RSBN1: variants seen among roughly 807,000 people sequenced by gnomAD.
RSBN1 encodes the protein lysine-specific demethylase 9.
In RSBN1, 23 loss-of-function variants were observed where a neutral mutation model predicts 74.8. That is an observed-to-expected ratio of 0.31 (90% confidence interval 0.22 to 0.44). The LOEUF (loss-of-function observed/expected upper bound fraction) is 0.44. Among genes scored for constraint, RSBN1 ranks in the 20% least tolerant of loss-of-function variants. RSBN1 has a pLI of 1.00. For missense variants in RSBN1, 808 were observed against 1,020.9 expected (o/e 0.79, Z 2.84); for synonymous variants, 407 against 379.6 (o/e 1.07, Z -0.84).
At chr1:113,809,646 G>T (rs148933492) in intron 1 of RSBN1, among the ~76,000 whole-genome samples, 39 of 152,114 alleles carry the variant, frequency 2.6e-4, no homozygotes, top group African/African-American at 8.2e-4. Flanking sequence ...ATATAGTTTG[G>T]GTATATAATC....
chr1:113,768,636 A>T (rs1470648767), intron 4 of RSBN1, among the ~76,000 whole-genome samples: 1 of 152,132 alleles, frequency 6.6e-6, no homozygotes, highest in East Asian at 1.9e-4. Flanking sequence ...TTAGGCTCAA[A>T]TGTAGTGCTT....
In RSBN1 at chr1:113,812,085, C is replaced by T; in HGVS notation, c.328G>A (p.Ala110Thr). The T allele has an allele frequency of 1.3e-6, 2 of 1,584,606 alleles. No individual in the cohort carries two copies. The highest frequency in any genetic ancestry group is 1.1e-5 in the South Asian group (1 of 88,186). The part of the protein sequence containing the change: ...RGRPSQEPPL[A>T]PPHRRRRSRQ... Reference sequence around the variant, plus strand: ...CTGCGACGCCGCCGGTGAGGGGGAGCGAGAGGGGGCTCCTGGCTCGGCCGC... The same window carrying T: ...CTGCGACGCCGCCGGTGAGGGGGAGTGAGAGGGGGCTCCTGGCTCGGCCGC... Residue 110 changes from alanine (A) to threonine (T), a missense_variant, in exon 1 of 7, where the codon GCT becomes ACT. Physicochemically the swap from Ala to Thr is moderately conservative, Grantham distance 58. Transcript: ENST00000261441.
intron 1 of RSBN1, among the ~76,000 whole-genome samples, chr1:113,806,232 G>A (rs1660697239): frequency 6.6e-6 from 1 of 151,898 alleles, no homozygotes; most frequent in Non-Finnish European, 1.5e-5. Flanking sequence ...CTACTCAGGA[G>A]GCTGAGGCAT....
At chr1:113,793,540 T>C (rs1660410697) in intron 2 of RSBN1, among the ~76,000 whole-genome samples, 1 of 152,166 alleles carries the variant, frequency 6.6e-6, no homozygotes, top group East Asian at 1.9e-4. Flanking sequence ...CACCCTTAGT[T>C]TCATCTCTTT....
At chr1:113,771,922 G>T (rs967386669) in intron 4 of RSBN1, among the ~76,000 whole-genome samples, 9 of 148,424 alleles carry the variant, frequency 6.1e-5, no homozygotes, top group African/African-American at 2.2e-4. Flanking sequence ...GGAAAAACAA[G>T]ACTTTTTTTT....
At position 113,784,122 on chromosome 1, in the gene RSBN1, A is replaced by G. The variant is rs541875326; in HGVS notation, c.1378-6314T>C. Among the ~76,000 whole-genome samples, 30 of 152,352 alleles carry G rather than the reference A, an allele frequency of 2.0e-4. No individual in the cohort carries two copies. The South Asian group carries it at 6.0e-3, about 31-fold the overall frequency. Reference sequence around the variant, plus strand: ...AATGCAAGAAATCAAAAGTATTTCAAAAGTATTTAACTTGAAAAGATTAAA... The same window carrying G: ...AATGCAAGAAATCAAAAGTATTTCAGAAGTATTTAACTTGAAAAGATTAAA... On this transcript the variant is annotated intron_variant, in intron 2 of 6. Coordinates refer to ENST00000261441, the MANE Select transcript of RSBN1 (RefSeq NM_018364.5).
intron 4 of RSBN1, among the ~76,000 whole-genome samples, chr1:113,773,418 G>C (rs997844835): frequency 1.3e-5 from 2 of 152,212 alleles, no homozygotes; most frequent in Admixed American, 1.3e-4. Flanking sequence ...CAGCTACCTG[G>C]GAGGCTGAGG....
At chr1:113,774,929 G>A (rs1024626347) in intron 4 of RSBN1, among the ~76,000 whole-genome samples, 1 of 151,916 alleles carries the variant, frequency 6.6e-6, no homozygotes, top group Non-Finnish European at 1.5e-5. Flanking sequence ...AAATTCCCAA[G>A]TTTTAAAGTA....
intron 2 of RSBN1, among the ~76,000 whole-genome samples, chr1:113,789,632 C>T (rs1271637127): frequency 6.6e-6 from 1 of 152,044 alleles, no homozygotes; most frequent in Non-Finnish European, 1.5e-5. Context: ...GGGACTGAGC[C>T]CTCTATCTGG....
chr1:113,766,036 T>A lies in RSBN1; in HGVS notation c.2353A>T (p.Arg785Ter), dbSNP rs757097271. Residue 785 changes from arginine to a stop codon, truncating the protein, a stop_gained, in exon 7 of 7, where the codon AGA (arginine) becomes TGA (stop). Coordinates refer to ENST00000261441, the MANE Select transcript of RSBN1 (RefSeq NM_018364.5). LOFTEE classifies it high-confidence loss of function. ...TTGTGTTGCTGGTCAGAGTCCAGTC[T>A]ACTTTCCACTTTTAAAACTGGAATA... ...QPIPVLKVES[R>*]LDSDQQHNLQ... 6.2e-7 allele frequency: 1 copy of A among 1,614,112 alleles called. No homozygotes were observed. The highest frequency in any genetic ancestry group is 8.5e-7 in the Non-Finnish European group (1 of 1,179,940).
intron 1 of RSBN1, among the ~76,000 whole-genome samples, chr1:113,801,487 C>T (rs1660583557): frequency 6.6e-6 from 1 of 152,210 alleles, no homozygotes; most frequent in South Asian, 2.1e-4. Flanking sequence ...ACACTGGCCA[C>T]TGTTGCTTTA....
In RSBN1 at chr1:113,767,213, A is replaced by G. The variant is rs372470465; in HGVS notation, c.1827-6T>C. On this transcript the variant is annotated splice_polypyrimidine_tract_variant and splice_region_variant and intron_variant, in intron 5 of 6. Transcript: ENST00000261441. ...TTATGCGAGGTTGGTCACTCCTAAG[A>G]TTAACAAAATTAAGTTTCAGAGACA... 3.1e-5 allele frequency: 46 copies of G among 1,506,762 alleles called. No individual in the cohort carries two copies. In the African/African-American group the frequency reaches 5.9e-4, roughly 19 times the overall value. The allele number at this position is 1,506,762 out of a possible 1,614,324, so 93.3% of individuals were successfully genotyped here. A position where few individuals can be genotyped will look rare whatever the true frequency, so the allele number is the denominator to read the frequency against.
intron 2 of RSBN1, among the ~76,000 whole-genome samples, chr1:113,778,459 G>A (rs1660077107): frequency 6.6e-6 from 1 of 151,862 alleles, no homozygotes; most frequent in Non-Finnish European, 1.5e-5. Context: ...CACCATGCCT[G>A]GCTAATTTTT....
intron 4 of RSBN1, among the ~76,000 whole-genome samples, chr1:113,775,584 G>A (rs954215149): frequency 1.3e-5 from 2 of 152,000 alleles, no homozygotes; most frequent in Non-Finnish European, 2.9e-5. Context: ...CAATCTGCCT[G>A]CCTCAGCCTC....
chr1:113,811,217 T>C (rs1660835825), intron 1 of RSBN1, among the ~76,000 whole-genome samples: 1 of 152,244 alleles, frequency 6.6e-6, no homozygotes, highest in South Asian at 2.1e-4. Flanking sequence ...CTGCGTCTGA[T>C]ATTTTACCTT....
At chr1:113,784,022 T>G (rs1660192212) in intron 2 of RSBN1, among the ~76,000 whole-genome samples, 1 of 152,166 alleles carries the variant, frequency 6.6e-6, no homozygotes, top group Non-Finnish European at 1.5e-5. Flanking sequence ...CTAAAAAATA[T>G]CTATAACTAG....
intron 2 of RSBN1, among the ~76,000 whole-genome samples, chr1:113,795,539 A>G (rs1029169811): frequency 6.6e-6 from 1 of 152,230 alleles, no homozygotes; most frequent in African/African-American, 2.4e-5. Context: ...GAAAATTCAT[A>G]AATAAAATTA....
chr1:113,812,014 A>T lies in RSBN1; in HGVS notation c.399T>A (p.Thr133=). 1 of 1,540,696 alleles carries T rather than the reference A, an allele frequency of 6.5e-7. No individual in the cohort carries two copies. The highest frequency in any genetic ancestry group is 1.2e-5 in the South Asian group (1 of 83,164). ...GPLPPTNAAP[T]VPGPVEPLLL... ...GAAGAGGCTCAACAGGGCCTGGGAC[A>T]GTTGGGGCTGCATTCGTTGGCGGCA... Residue 133 remains threonine, a synonymous_variant, in exon 1 of 7, where the codon ACT becomes ACA. Transcript: ENST00000261441.
At chr1:113,779,002 G>C (rs749645226) in intron 2 of RSBN1, among the ~76,000 whole-genome samples, 14 of 152,072 alleles carry the variant, frequency 9.2e-5, no homozygotes, top group Non-Finnish European at 1.8e-4. Context: ...GTTTCTCAAG[G>C]ATAGAGAGAT....
Sources: allele counts gnomAD v4.1 joint callset (sites outside exome capture counted in the v4.1 genomes callset), GRCh38; gene constraint gnomAD v4.1.1; transcripts MANE v1.5; gene names NCBI Gene and HGNC (gene_info 2026-07-23, HGNC 2026-07-21).